Variants in EDARADD observed in about 807,000 individuals in gnomAD.
EDARADD encodes the protein ectodysplasin-A receptor-associated adapter protein.
A neutral mutation model predicts 25.6 loss-of-function variants in EDARADD; 20 were observed. The observed-to-expected ratio is 0.78, with a 90% CI of 0.55 to 1.14. The LOEUF (loss-of-function observed/expected upper bound fraction) is 1.14, where lower values mean the gene tolerates loss of function less well. Ranked by LOEUF, EDARADD falls within the 50% of genes most tolerant of loss-of-function variation. The pLI is 0.00. For synonymous variants in EDARADD, 86 were observed against 94.4 expected (o/e 0.91, Z 0.52); for missense variants, 225 against 270.1 (o/e 0.83, Z 1.17).
intron 4 of EDARADD, among the ~76,000 whole-genome samples, chr1:236,437,442 C>CA (rs1658286649): frequency 6.6e-6 from 1 of 152,002 alleles, no homozygotes; most frequent in Admixed American, 6.6e-5. Flanking sequence ...GGTAAAAAGG[C>CA]AGAGTTCTAG....
chr1:236,442,925 G>A (rs1476226209), intron 4 of EDARADD, among the ~76,000 whole-genome samples: 3 of 152,236 alleles, frequency 2.0e-5, no homozygotes, highest in African/African-American at 4.8e-5. Context: ...GTAGTTGGGA[G>A]AGGTGGAGCC....
chr1:236,439,905 C>T (rs1658357122), intron 4 of EDARADD, among the ~76,000 whole-genome samples: 1 of 152,100 alleles, frequency 6.6e-6, no homozygotes, highest in African/African-American at 2.4e-5. Flanking sequence ...GGTACTATAT[C>T]TAAAAAGTCA....
In EDARADD at chr1:236,460,028, T is replaced by C. The variant is rs536766579; in HGVS notation, c.220-8203T>C. ...AACACGTGGTTCCTTATGATGTCAA[T>C]ATTTATGCATATGTCTTCATTCCAT... On this transcript the variant is annotated intron_variant, in intron 4 of 5. Transcript: ENST00000334232. Among the ~76,000 whole-genome samples, 3 of 152,312 alleles carry C rather than the reference T, an allele frequency of 2.0e-5. No individual in the cohort carries two copies. In the East Asian group the frequency reaches 5.8e-4, roughly 29 times the overall value.
At chr1:236,452,565 T>C (rs1270057277) in intron 4 of EDARADD, among the ~76,000 whole-genome samples, 1 of 152,116 alleles carries the variant, frequency 6.6e-6, no homozygotes, top group Non-Finnish European at 1.5e-5. Context: ...CCTTCTACCA[T>C]GACTGTAAGT....
At position 236,385,082 on chromosome 1, in the gene EDARADD, T is replaced by A. The variant is rs1380140590; in HGVS notation, c.-5-24134T>A. ...TTTATCAGATTTTTATTCTATGCCT[T>A]TTGATTCTTTTTTTTTTTTTTTTTG... On this transcript the variant is annotated intron_variant, in intron 3 of 7. Coordinates refer to the EDARADD transcript ENST00000439430. Among the ~76,000 whole-genome samples the A allele has an allele frequency of 2.3e-5, 3 of 131,502 alleles. No individual in the cohort carries two copies. The East Asian group carries it at 7.0e-4, about 31-fold the overall frequency. 86.3% of individuals were successfully genotyped at this position (131,502 alleles called of 152,430 possible).
chr1:236,417,764 G>A (rs879290951), intron 3 of EDARADD, among the ~76,000 whole-genome samples: 18 of 151,830 alleles, frequency 1.2e-4, no homozygotes, highest in Non-Finnish European at 2.5e-4. Context: ...GTTTGGAAAA[G>A]GAATTTTGAT....
At chr1:236,463,648 T>A (rs918015877) in intron 4 of EDARADD, among the ~76,000 whole-genome samples, 1 of 152,156 alleles carries the variant, frequency 6.6e-6, no homozygotes, top group Non-Finnish European at 1.5e-5. Context: ...CGCGGTGTTG[T>A]GCGACCGTCA....
rs568905239 is a variant in EDARADD, at chr1:236,361,515, A to T, written c.-6+10676A>T. 8.6e-4 allele frequency among the ~76,000 whole-genome samples: 130 copies of T among 151,804 alleles called. 1 individual carries two copies. The highest frequency in any genetic ancestry group is 2.7e-3 in the African/African-American group (110 of 41,342). On this transcript the variant is annotated intron_variant, in intron 3 of 7. Transcript: ENST00000439430. ...CAGCTAATTTTTGTATTTTTAGTAG[A>T]GACAGGGTTTTGCCATGTTGGCCAG...
At chr1:236,368,862 A>G (rs2695052) in intron 3 of EDARADD, among the ~76,000 whole-genome samples, 44,801 of 152,084 alleles carry the variant, frequency 0.29, 6,949 homozygotes, top group African/African-American at 0.39. Context: ...TTTCTGTATC[A>G]ATCATTTGAC....
chr1:236,352,316 T>TG (rs1161158375), intron 3 of EDARADD, among the ~76,000 whole-genome samples: 1 of 152,214 alleles, frequency 6.6e-6, no homozygotes, highest in African/African-American at 2.4e-5. Flanking sequence ...AGGTTTGGCT[T>TG]GGTGGTGTGG....
chr1:236,477,760 T>TA (rs1236519166), intron 5 of EDARADD, among the ~76,000 whole-genome samples: 2 of 151,810 alleles, frequency 1.3e-5, no homozygotes, highest in South Asian at 4.2e-4. Flanking sequence ...ACCTACCACT[T>TA]AAAAAAAATC....
intron 4 of EDARADD, among the ~76,000 whole-genome samples, chr1:236,436,632 A>AAT (rs1658260563): frequency 6.6e-6 from 1 of 151,716 alleles, no homozygotes; most frequent in African/African-American, 2.4e-5. Flanking sequence ...GTCAAAAAAA[A>AAT]AAAAAAAAAA....
chr1:236,471,664 C>G (rs956282904), intron 5 of EDARADD, among the ~76,000 whole-genome samples: 25 of 152,154 alleles, frequency 1.6e-4, no homozygotes, highest in African/African-American at 6.0e-4. Flanking sequence ...TGTTTACTCT[C>G]TAATGGTTTT....
intron 4 of EDARADD, among the ~76,000 whole-genome samples, chr1:236,449,658 G>A (rs967115790): frequency 7.9e-5 from 12 of 152,074 alleles, no homozygotes; most frequent in African/African-American, 2.4e-4. Flanking sequence ...CTTCCCATCC[G>A]GGATATGGCT....
intron 4 of EDARADD, among the ~76,000 whole-genome samples, chr1:236,464,442 T>TTC (rs1659132005): frequency 1.7e-5 from 1 of 57,988 alleles, no homozygotes; most frequent in Non-Finnish European, 5.0e-5. Flanking sequence ...TTTTTTTTTT[T>TTC]TTTTTTTTGA....
chr1:236,467,424 G>A (rs61834028), intron 4 of EDARADD, among the ~76,000 whole-genome samples: 80 of 120,892 alleles, frequency 6.6e-4, no homozygotes, highest in African/African-American at 1.5e-3. Flanking sequence ...GCACACACAC[G>A]CGCACACACA....
intron 4 of EDARADD, among the ~76,000 whole-genome samples, chr1:236,442,966 G>A (rs1658441640): frequency 6.6e-6 from 1 of 152,208 alleles, no homozygotes. Context: ...TGAAGGCTCT[G>A]CCATCATGAA....
At chr1:236,422,242 G>A (rs654862) in intron 3 of EDARADD, among the ~76,000 whole-genome samples, 86,173 of 152,136 alleles carry the variant, frequency 0.57, 26,818 homozygotes, top group Non-Finnish European at 0.69. Flanking sequence ...AGAGCCTGGC[G>A]TTGTATGTTC....
chr1:236,359,697 G>A (rs1478848421), intron 3 of EDARADD, among the ~76,000 whole-genome samples: 3 of 152,188 alleles, frequency 2.0e-5, no homozygotes, highest in Admixed American at 1.3e-4. Context: ...GAGAGAGCTC[G>A]TGCAGGGGAA....
Sources: allele counts gnomAD v4.1 joint callset (sites outside exome capture counted in the v4.1 genomes callset), GRCh38; gene constraint gnomAD v4.1.1; transcripts MANE v1.5; gene names NCBI Gene and HGNC (gene_info 2026-07-23, HGNC 2026-07-21).